The following TFCP2L1 variants were observed in gnomAD, a reference collection of about 807,000 sequenced individuals.
The protein encoded by TFCP2L1 is transcription factor CP2 like 1.
Under a neutral mutation model 72.2 loss-of-function variants are expected in TFCP2L1, and 12 were observed. The observed-to-expected ratio is 0.17, with a 90% CI of 0.11 to 0.27. The LOEUF is 0.27. Among genes scored for constraint, TFCP2L1 ranks in the 10% least tolerant of loss-of-function variants. TFCP2L1 has a pLI of 1.00. For missense variants in TFCP2L1, 488 were observed against 624.6 expected (o/e 0.78, Z 2.33); for synonymous variants, 260 against 251.0 (o/e 1.04, Z -0.34).
At chr2:121,226,462 T>C (rs1284946875) in intron 13 of TFCP2L1, among the ~76,000 whole-genome samples, 1 of 152,072 alleles carries the variant, frequency 6.6e-6, no homozygotes, top group Non-Finnish European at 1.5e-5. Flanking sequence ...CAGGAATGTG[T>C]ATGTGACTAA....
chr2:121,280,473 T>G (rs1187322946), intron 2 of TFCP2L1, among the ~76,000 whole-genome samples: 2 of 152,184 alleles, frequency 1.3e-5, no homozygotes, highest in Admixed American at 1.3e-4. Flanking sequence ...ATAATCACCA[T>G]GTGTCCAGGC....
intron 1 of TFCP2L1, among the ~76,000 whole-genome samples, chr2:121,282,685 C>T (rs1350666128): frequency 6.6e-6 from 1 of 152,150 alleles, no homozygotes; most frequent in African/African-American, 2.4e-5. Context: ...AAATAAGTGC[C>T]AGTGCTCTTA....
chr2:121,222,405 T>TC lies in TFCP2L1; in HGVS notation c.*1935dup, dbSNP rs1685943336. ...GCCAAAAAGTAAAAACACACAAATGTCCATCAACTGATGAATCAATAAACA... is the reference window on the plus strand; with the variant it reads ...GCCAAAAAGTAAAAACACACAAATGTCCCATCAACTGATGAATCAATAAACA... On this transcript the variant is annotated 3_prime_UTR_variant, in exon 15 of 15. Transcript: ENST00000263707. 6.6e-6 allele frequency: 1 copy of TC among 152,274 alleles called. No individual in the cohort carries two copies. The highest frequency in any genetic ancestry group is 2.1e-4 in the South Asian group (1 of 4,830). 9.4% of individuals were successfully genotyped at this position (152,274 alleles called of 1,614,324 possible).
Position 121,248,283 on chromosome 2 carries a change from A to G in TFCP2L1, c.398-13T>C, listed in dbSNP as rs1272530351. On this transcript the variant is annotated splice_polypyrimidine_tract_variant and intron_variant, in intron 4 of 14. Coordinates refer to ENST00000263707, the MANE Select transcript of TFCP2L1 (RefSeq NM_014553.3). ...GACAGTGGAATATCTGCATACACAC[A>G]CACACATACAGAAAGTGCAATTGTC... 6.2e-7 allele frequency: 1 copy of G among 1,600,812 alleles called. No individual in the cohort carries two copies. Among genetic ancestry groups the G allele is most frequent in the Non-Finnish European group, 8.6e-7 (1 of 1,169,520 alleles).
intron 2 of TFCP2L1, among the ~76,000 whole-genome samples, chr2:121,255,806 G>A (rs1217176124): frequency 1.3e-5 from 2 of 151,384 alleles, no homozygotes; most frequent in Middle Eastern, 3.4e-3. Context: ...ACAGCGGCAC[G>A]ATCTCGGCTC....
At chr2:121,283,950 T>C (rs1316371189) in intron 1 of TFCP2L1, among the ~76,000 whole-genome samples, 1 of 152,212 alleles carries the variant, frequency 6.6e-6, no homozygotes, top group Admixed American at 6.5e-5. Context: ...CATCTCCGAC[T>C]ACTTTGGCCC....
chr2:121,244,468 G>C (rs1422210020), intron 6 of TFCP2L1, among the ~76,000 whole-genome samples: 1 of 152,196 alleles, frequency 6.6e-6, no homozygotes, highest in East Asian at 1.9e-4. Context: ...TGAGGAGCCA[G>C]TTTTGGGTGA....
chr2:121,271,297 T>C (rs1173337921), intron 2 of TFCP2L1, among the ~76,000 whole-genome samples: 1 of 151,886 alleles, frequency 6.6e-6, no homozygotes, highest in Non-Finnish European at 1.5e-5. Context: ...CGAACATATA[T>C]AAGGTTATAT....
Position 121,234,111 on chromosome 2 carries a change from C to T in TFCP2L1, c.1178G>A (p.Ser393Asn). The T allele has an allele frequency of 6.2e-7, 1 of 1,613,774 alleles. No homozygotes were observed. Among genetic ancestry groups the T allele is most frequent in the South Asian group, 1.1e-5 (1 of 91,064 alleles). The change falls in exon 12 of 15, where the codon AGT (serine) becomes AAT (asparagine). Residue 393 changes from serine to asparagine, a missense_variant. This residue lies in a region of TFCP2L1 where 286 missense variants were observed against 329.0 expected (regional missense o/e 0.87). Transcript: ENST00000263707. ...CTCACCAGACAGGTTGCTGTCTCCACTGCCGTCCCGCTTCTGCTGCAGGGG... is the reference window on the plus strand; with the variant it reads ...CTCACCAGACAGGTTGCTGTCTCCATTGCCGTCCCGCTTCTGCTGCAGGGG... ...RVPLQQKRDG[S>N]GDSNLSVYHA...
intron 2 of TFCP2L1, among the ~76,000 whole-genome samples, chr2:121,265,319 G>A (rs114355672): frequency 0.013 from 1,934 of 152,290 alleles, 44 homozygotes; most frequent in African/African-American, 0.044. Context: ...CGGGGGAAAC[G>A]AGAATGGGGA....
chr2:121,235,071 C>T lies in TFCP2L1; in HGVS notation c.1094+150G>A, dbSNP rs915722945. The stretch of plus-strand genomic sequence containing the variant: ...CTGCTGTGGCCCGTGCCCCTCTTGC[C>T]ACATTTCCTCCTACACTTGACCCCA... On this transcript the variant is annotated intron_variant, in intron 11 of 14. Transcript: ENST00000263707. 10 of 765,052 alleles carry T rather than the reference C, an allele frequency of 1.3e-5. No homozygotes were observed. In the African/African-American group the frequency reaches 1.6e-4, roughly 12 times the overall value. 47.4% of individuals were successfully genotyped at this position (765,052 alleles called of 1,614,324 possible). A position where few individuals can be genotyped will look rare whatever the true frequency, so the allele number is the denominator to read the frequency against.
intron 8 of TFCP2L1, 41 bp downstream of exon 8, chr2:121,239,517 C>T (rs750194522): frequency 6.2e-7 from 1 of 1,605,932 alleles, no homozygotes; most frequent in Admixed American, 1.7e-5. Context: ...GTACACCTGC[C>T]TTCATTTCAG....
intron 8 of TFCP2L1, 124 bp downstream of exon 8, chr2:121,239,434 C>T: frequency 9.7e-7 from 1 of 1,029,516 alleles, no homozygotes; most frequent in Non-Finnish European, 1.5e-6. Context: ...GTTGTGACTG[C>T]AACACGAGTT....
Position 121,242,484 on chromosome 2 carries a change from C to T in TFCP2L1, c.658-15G>A, listed in dbSNP as rs1686396480. 6.2e-7 allele frequency: 1 copy of T among 1,613,166 alleles called. No homozygotes were observed. Among genetic ancestry groups the T allele is most frequent in the Non-Finnish European group, 8.5e-7 (1 of 1,179,576 alleles). ...GCTCCCTTCGGCTGCGAGCAGAGTA[C>T]AGAGTCCAATCAGCCCAAAACCAAC... On this transcript the variant is annotated splice_polypyrimidine_tract_variant and intron_variant, in intron 6 of 14. Transcript: ENST00000263707.
chr2:121,247,438 T>C (rs1458054522), intron 5 of TFCP2L1, among the ~76,000 whole-genome samples: 1 of 151,824 alleles, frequency 6.6e-6, no homozygotes, highest in Non-Finnish European at 1.5e-5. Context: ...ACTACATAAA[T>C]GGCACTCGAT....
At chr2:121,243,654 T>C (rs72828955) in intron 6 of TFCP2L1, among the ~76,000 whole-genome samples, 1,641 of 152,126 alleles carry the variant, frequency 0.011, 10 homozygotes, top group Middle Eastern at 0.02. Flanking sequence ...CTTTTGTGAA[T>C]TGCACATGCA....
intron 13 of TFCP2L1, among the ~76,000 whole-genome samples, chr2:121,228,778 A>AAT (rs1290237557): frequency 1.3e-5 from 2 of 150,596 alleles, no homozygotes; most frequent in African/African-American, 4.9e-5. Flanking sequence ...CTCACAAAAA[A>AAT]AAAAAAAAAA....
In TFCP2L1 at chr2:121,223,756, G is replaced by A. The variant is rs1253978180; in HGVS notation, c.*585C>T. The A allele has an allele frequency of 1.3e-5, 2 of 158,136 alleles. No individual in the cohort carries two copies. Among genetic ancestry groups the A allele is most frequent in the African/African-American group, 2.4e-5 (1 of 41,498 alleles). The allele number at this position is 158,136 out of a possible 1,614,324, so 9.8% of individuals were successfully genotyped here. A position where few individuals can be genotyped will look rare whatever the true frequency, so the allele number is the denominator to read the frequency against. The stretch of plus-strand genomic sequence containing the variant: ...AGAGAAGAAAGAGGTAGAAGGCACA[G>A]AATAGCCCCACTCCCATCAATTCAT... On this transcript the variant is annotated 3_prime_UTR_variant, in exon 15 of 15. Coordinates refer to ENST00000263707, the MANE Select transcript of TFCP2L1 (RefSeq NM_014553.3).
chr2:121,257,242 C>A (rs76368833), intron 2 of TFCP2L1, among the ~76,000 whole-genome samples: 1 of 152,088 alleles, frequency 6.6e-6, no homozygotes, highest in South Asian at 2.1e-4. Flanking sequence ...CACCACCCAC[C>A]CCCACCTCAG....
Sources: gnomAD v4.1 joint callset for allele counts (sites outside exome capture counted in the v4.1 genomes callset) on GRCh38, gnomAD v4.1.1 for gene constraint, gnomAD v4.1.1 regional missense constraint, MANE v1.5 for transcripts, NCBI Gene and HGNC (gene_info 2026-07-23, HGNC 2026-07-21) for gene names.